SPATA33: variants seen among roughly 807,000 people sequenced by gnomAD.
SPATA33 encodes spermatogenesis associated 33.
In SPATA33, 10 loss-of-function variants were observed where a neutral mutation model predicts 8.9. The observed-to-expected ratio is 1.12, with a 90% CI of 0.69 to 1.90. The LOEUF is 1.90. Ranked by LOEUF, SPATA33 falls within the 40% of genes most tolerant of loss-of-function variation. The pLI, the probability that SPATA33 is intolerant of heterozygous loss-of-function variation, is 0.00. For synonymous variants in SPATA33, 96 were observed against 72.8 expected (o/e 1.32, Z -1.63); for missense variants, 241 against 178.3 (o/e 1.35, Z -2.00).
At chr16:89,664,741 C>G (rs537332263) in intron 2 of SPATA33, among the ~76,000 whole-genome samples, 2 of 152,284 alleles carry the variant, frequency 1.3e-5, no homozygotes, top group East Asian at 3.9e-4. Context: ...ACGGGAACTT[C>G]ATTCCTTGAA....
At position 89,657,895 on chromosome 16, in the gene SPATA33, G is replaced by A. The variant is rs1479956599; in HGVS notation, c.-17G>A. 6.6e-7 allele frequency: 1 copy of A among 1,516,978 alleles called. No homozygotes were observed. The allele number at this position is 1,516,978 out of a possible 1,614,324, so 94.0% of individuals were successfully genotyped here. A position where few individuals can be genotyped will look rare whatever the true frequency, so the allele number is the denominator to read the frequency against. ...TGGGGACCCGGGCTTGCGTCGGAGG[G>A]GGCGGTGGGCTCACCCATGGGCCTT... On this transcript the variant is annotated 5_prime_UTR_variant, in exon 1 of 3. Coordinates refer to ENST00000579310, the MANE Select transcript of SPATA33 (RefSeq NM_001271907.2).
At chr16:89,668,648 A>G (rs915309265) in intron 2 of SPATA33, among the ~76,000 whole-genome samples, 11 of 151,096 alleles carry the variant, frequency 7.3e-5, no homozygotes, top group Non-Finnish European at 1.6e-4. Flanking sequence ...CTGAGCTCGT[A>G]GCAGTGGCAC....
At chr16:89,666,893 C>G (rs895927055) in intron 2 of SPATA33, among the ~76,000 whole-genome samples, 2 of 152,196 alleles carry the variant, frequency 1.3e-5, no homozygotes, top group African/African-American at 4.8e-5. Flanking sequence ...AGTACTTTCA[C>G]TAATTTGCTA....
intron 2 of SPATA33, among the ~76,000 whole-genome samples, chr16:89,664,537 C>T (rs964035522): frequency 6.6e-6 from 1 of 151,932 alleles, no homozygotes; most frequent in African/African-American, 2.4e-5. Flanking sequence ...GGAAGCCAGA[C>T]AGTAAAAGTG....
intron 2 of SPATA33, among the ~76,000 whole-genome samples, chr16:89,662,887 G>A (rs142852300): frequency 0.018 from 2,728 of 152,200 alleles, 96 homozygotes; most frequent in African/African-American, 0.062. Flanking sequence ...TCCGCCTCCC[G>A]GGTTCAAGCA....
intron 2 of SPATA33, 143 bp downstream of exon 2, chr16:89,658,564 A>G (rs2059918773): frequency 1.8e-6 from 2 of 1,086,928 alleles, no homozygotes; most frequent in Non-Finnish European, 1.3e-6. Flanking sequence ...TGTTTTGGGA[A>G]CTTTATGTAG....
chr16:89,665,274 C>T (rs1405695227), intron 2 of SPATA33, among the ~76,000 whole-genome samples: 1 of 151,734 alleles, frequency 6.6e-6, no homozygotes, highest in Non-Finnish European at 1.5e-5. Context: ...GGATTACAGG[C>T]GTGAGCCACC....
At chr16:89,668,488 T>C (rs943976959) in intron 2 of SPATA33, among the ~76,000 whole-genome samples, 1 of 152,056 alleles carries the variant, frequency 6.6e-6, no homozygotes, top group Non-Finnish European at 1.5e-5. Context: ...ACCACACATA[T>C]GTGTGCAGAG....
chr16:89,667,183 T>C (rs920544685), intron 2 of SPATA33, among the ~76,000 whole-genome samples: 13 of 152,158 alleles, frequency 8.5e-5, no homozygotes, highest in African/African-American at 2.9e-4. Flanking sequence ...GCAACGGGCG[T>C]CCTACCAGAC....
intron 2 of SPATA33, chr16:89,660,981 G>C (rs918504194): frequency 2.0e-6 from 2 of 998,812 alleles, no homozygotes; most frequent in Non-Finnish European, 2.4e-6. Flanking sequence ...GAGCTTCCCT[G>C]TACGTCTCAG....
Position 89,670,331 on chromosome 16 carries a change from T to A in SPATA33, c.*834T>A, listed in dbSNP as rs191946371. 1.0e-4 allele frequency: 16 copies of A among 152,724 alleles called. No homozygotes were observed. The highest frequency in any genetic ancestry group is 3.8e-4 in the African/African-American group (16 of 41,564). The allele number at this position is 152,724 out of a possible 1,614,324, so 9.5% of individuals were successfully genotyped here. On this transcript the variant is annotated 3_prime_UTR_variant, in exon 3 of 3. Transcript: ENST00000579310. ...CCACCCTGTGAGAAGCCGCAGCCCGTTCTCCATTGCCATTTGGTCCTGCCT... is the reference window on the plus strand; with the variant it reads ...CCACCCTGTGAGAAGCCGCAGCCCGATCTCCATTGCCATTTGGTCCTGCCT...
chr16:89,660,853 G>A, intron 2 of SPATA33: 3 of 1,143,824 alleles, frequency 2.6e-6, no homozygotes, highest in South Asian at 4.4e-5. Flanking sequence ...TTCCAGCCCA[G>A]GAGCCAGACC....
intron 2 of SPATA33, among the ~76,000 whole-genome samples, chr16:89,666,581 A>C (rs372104589): frequency 1.3e-5 from 2 of 152,100 alleles, no homozygotes; most frequent in East Asian, 3.9e-4. Flanking sequence ...CCATGTGCGG[A>C]GATGAGAGAG....
chr16:89,661,585 C>CTACT (rs1196369610), intron 2 of SPATA33: 4 of 152,204 alleles, frequency 2.6e-5, no homozygotes, highest in Admixed American at 2.0e-4. Context: ...GTTACCCCTA[C>CTACT]TACTTCTGTA....
chr16:89,658,607 A>C (rs1005867543), intron 2 of SPATA33, 186 bp downstream of exon 2: 2 of 791,646 alleles, frequency 2.5e-6, no homozygotes, highest in African/African-American at 1.7e-5. Context: ...AGTTGAAAAC[A>C]TAAGTTTAAT....
intron 2 of SPATA33, among the ~76,000 whole-genome samples, chr16:89,662,563 A>G (rs1259258911): frequency 6.6e-6 from 1 of 151,766 alleles, no homozygotes; most frequent in Non-Finnish European, 1.5e-5. Flanking sequence ...AGCTGGGATT[A>G]CAGGCGCCCG....
In SPATA33 at chr16:89,657,881, G is replaced by C. The variant is rs1328756743; in HGVS notation, c.-31G>C. The C allele has an allele frequency of 1.3e-6, 2 of 1,516,622 alleles. No individual in the cohort carries two copies. Among genetic ancestry groups the C allele is most frequent in the Admixed American group, 4.1e-5 (2 of 48,890 alleles). The allele number at this position is 1,516,622 out of a possible 1,614,324, so 93.9% of individuals were successfully genotyped here. A position where few individuals can be genotyped will look rare whatever the true frequency, so the allele number is the denominator to read the frequency against. On this transcript the variant is annotated 5_prime_UTR_variant, in exon 1 of 3. Coordinates refer to ENST00000579310, the MANE Select transcript of SPATA33 (RefSeq NM_001271907.2). ...CGGCCGCGGAGGTGTGGGGACCCGGGCTTGCGTCGGAGGGGGCGGTGGGCT... is the reference window on the plus strand; with the variant it reads ...CGGCCGCGGAGGTGTGGGGACCCGGCCTTGCGTCGGAGGGGGCGGTGGGCT...
chr16:89,663,999 G>A (rs147720454), intron 2 of SPATA33, among the ~76,000 whole-genome samples: 11 of 152,154 alleles, frequency 7.2e-5, no homozygotes, highest in African/African-American at 2.6e-4. Context: ...TGTGCCTGTA[G>A]CCCCAACTAA....
At chr16:89,666,179 T>TA (rs914732104) in intron 2 of SPATA33, among the ~76,000 whole-genome samples, 4 of 150,842 alleles carry the variant, frequency 2.7e-5, no homozygotes, top group African/African-American at 4.9e-5. Flanking sequence ...TAGGTTAGAG[T>TA]AAAAAAAAGC....
Sources: gnomAD v4.1 joint callset for allele counts (sites outside exome capture counted in the v4.1 genomes callset) on GRCh38, gnomAD v4.1.1 for gene constraint, MANE v1.5 for transcripts, NCBI Gene and HGNC (gene_info 2026-07-23, HGNC 2026-07-21) for gene names.